The following JAZF1 variants were observed in gnomAD, a reference collection of about 807,000 sequenced individuals.
JAZF1 encodes JAZF zinc finger 1, also known as juxtaposed with another zinc finger protein 1.
Under a neutral mutation model 26.4 loss-of-function variants are expected in JAZF1, and 8 were observed. That is an observed-to-expected ratio of 0.30 (90% confidence interval 0.18 to 0.55). The LOEUF is 0.55. JAZF1 is among the 20% of genes least tolerant of loss of function. The probability of loss-of-function intolerance (pLI) is 0.94; values close to 1 mark genes in which losing one functional copy is unlikely to be tolerated. For missense variants in JAZF1, 199 were observed against 322.0 expected (o/e 0.62, Z 2.92); for synonymous variants, 126 against 122.3 (o/e 1.03, Z -0.20).
intron 3 of JAZF1, among the ~76,000 whole-genome samples, chr7:27,856,798 C>A (rs1485380659): frequency 1.3e-5 from 2 of 152,186 alleles, no homozygotes; most frequent in African/African-American, 4.8e-5. Flanking sequence ...TGAAGGTTCT[C>A]CAAGTCCCCA....
In JAZF1 at chr7:27,883,728, T is replaced by TAA. The variant is rs533654884; in HGVS notation, c.385+11490_385+11491dup. ...TGGGTATTGGAAGACGTAGGTGCTG[T>TAA]AAGTTCTATCAGAAACACTTTCAGT... On this transcript the variant is annotated intron_variant, in intron 3 of 4. Coordinates refer to ENST00000283928, the MANE Select transcript of JAZF1 (RefSeq NM_175061.4). Among the ~76,000 whole-genome samples the TAA allele has an allele frequency of 1.7e-3, 262 of 152,332 alleles. 1 individual carries two copies. The highest frequency in any genetic ancestry group is 5.9e-3 in the African/African-American group (245 of 41,578).
At chr7:27,890,603 C>T (rs184786160) in intron 3 of JAZF1, among the ~76,000 whole-genome samples, 2 of 152,194 alleles carry the variant, frequency 1.3e-5, no homozygotes, top group African/African-American at 4.8e-5. Flanking sequence ...ATGGATGTGT[C>T]AAGTTAACCT....
chr7:28,138,131 C>T (rs553608761), intron 1 of JAZF1, among the ~76,000 whole-genome samples: 2 of 152,274 alleles, frequency 1.3e-5, no homozygotes, highest in African/African-American at 4.8e-5. Flanking sequence ...TGCTATGAAA[C>T]AAGCAGGTAT....
chr7:27,960,467 G>GT (rs1785168620), intron 2 of JAZF1, among the ~76,000 whole-genome samples: 1 of 152,252 alleles, frequency 6.6e-6, no homozygotes, highest in African/African-American at 2.4e-5. Context: ...GTGTAAAAAT[G>GT]TAACAAGGAT....
In JAZF1 at chr7:27,852,216, C is replaced by T. The variant is rs904009876; in HGVS notation, c.386-11349G>A. Reference sequence around the variant, plus strand: ...GAGCGATCTGAGCTCACTGCAACCTCCACCTCCCAGGTTCAACTGATTCTC... The same window carrying T: ...GAGCGATCTGAGCTCACTGCAACCTTCACCTCCCAGGTTCAACTGATTCTC... On this transcript the variant is annotated intron_variant, in intron 3 of 4. Transcript: ENST00000283928. Among the ~76,000 whole-genome samples, 7 of 151,812 alleles carry T rather than the reference C, an allele frequency of 4.6e-5. No homozygotes were observed. The East Asian group carries it at 1.2e-3, about 25-fold the overall frequency.
At chr7:27,882,400 C>T (rs1783790301) in intron 3 of JAZF1, among the ~76,000 whole-genome samples, 1 of 152,036 alleles carries the variant, frequency 6.6e-6, no homozygotes, top group Non-Finnish European at 1.5e-5. Flanking sequence ...ATCAACCCAA[C>T]TTGTTACAGC....
chr7:27,963,987 A>T (rs1295936005), intron 2 of JAZF1, among the ~76,000 whole-genome samples: 1 of 152,210 alleles, frequency 6.6e-6, no homozygotes, highest in Non-Finnish European at 1.5e-5. Flanking sequence ...TTGGTTGCTT[A>T]TATACCTATA....
chr7:28,029,691 T>C (rs1783152696), intron 1 of JAZF1, among the ~76,000 whole-genome samples: 1 of 152,230 alleles, frequency 6.6e-6, no homozygotes, highest in Non-Finnish European at 1.5e-5. Flanking sequence ...CCTAAATGTT[T>C]AGATCTTTTC....
At chr7:27,967,530 A>T (rs866936142) in intron 2 of JAZF1, among the ~76,000 whole-genome samples, 56 of 152,334 alleles carry the variant, frequency 3.7e-4, no homozygotes, top group Middle Eastern at 3.4e-3. Flanking sequence ...AGGGTCATTA[A>T]AAACTATATA....
At chr7:28,019,063 C>G in intron 1 of JAZF1, among the ~76,000 whole-genome samples, 1 of 152,186 alleles carries the variant, frequency 6.6e-6, no homozygotes, top group South Asian at 2.1e-4. Context: ...TCTTATTTTT[C>G]AAATGTTCAG....
intron 1 of JAZF1, among the ~76,000 whole-genome samples, chr7:28,153,793 T>C (rs1783142006): frequency 1.3e-5 from 2 of 152,184 alleles, no homozygotes; most frequent in East Asian, 3.9e-4. Context: ...GGTCTGGCAA[T>C]GACCACGGTG....
chr7:28,018,102 G>C (rs918681705), intron 1 of JAZF1, among the ~76,000 whole-genome samples: 1 of 152,210 alleles, frequency 6.6e-6, no homozygotes, highest in African/African-American at 2.4e-5. Context: ...CAACACGGAG[G>C]ATAGGAAAAG....
chr7:28,060,360 G>C (rs1783779629), intron 1 of JAZF1, among the ~76,000 whole-genome samples: 1 of 152,116 alleles, frequency 6.6e-6, no homozygotes, highest in South Asian at 2.1e-4. Context: ...TTTATTTTTT[G>C]TGTGTGTTTT....
intron 1 of JAZF1, among the ~76,000 whole-genome samples, chr7:28,018,224 G>T (rs1459094589): frequency 6.6e-6 from 1 of 152,228 alleles, no homozygotes. Context: ...TCCTGGAGGA[G>T]GAGTCGGCCA....
At position 27,943,162 on chromosome 7, in the gene JAZF1, T is replaced by C. The variant is rs182330129; in HGVS notation, c.189-47746A>G. Among the ~76,000 whole-genome samples, 360 of 152,230 alleles carry C rather than the reference T, an allele frequency of 2.4e-3. 6 individuals are homozygous for C. The highest frequency in any genetic ancestry group is 2.2e-3 in the Non-Finnish European group (153 of 68,014). ...AACATCCTCAGATACAGTTCTGAAT[T>C]TTCCCAGAATAGAAGGGGACTGTCT... is the stretch of plus-strand genomic sequence containing the variant. On this transcript the variant is annotated intron_variant, in intron 2 of 4. Coordinates refer to ENST00000283928, the MANE Select transcript of JAZF1 (RefSeq NM_175061.4).
intron 2 of JAZF1, among the ~76,000 whole-genome samples, chr7:27,899,241 A>T (rs1562523101): frequency 6.6e-6 from 1 of 152,238 alleles, no homozygotes; most frequent in Non-Finnish European, 1.5e-5. Context: ...CCAAGGAGGC[A>T]CAGCAAAGGC....
chr7:28,164,847 T>A (rs1412317899), intron 1 of JAZF1, among the ~76,000 whole-genome samples: 6 of 152,146 alleles, frequency 3.9e-5, no homozygotes, highest in Non-Finnish European at 8.8e-5. Context: ...GGCTCTCAGT[T>A]TGAAAAATGT....
intron 1 of JAZF1, among the ~76,000 whole-genome samples, chr7:28,041,545 G>T (rs959201580): frequency 6.6e-6 from 1 of 152,048 alleles, no homozygotes; most frequent in South Asian, 2.1e-4. Flanking sequence ...AGATATCACC[G>T]CTTCTTGTGC....
intron 1 of JAZF1, among the ~76,000 whole-genome samples, chr7:28,046,510 T>C (rs1415300578): frequency 6.6e-6 from 1 of 152,250 alleles, no homozygotes; most frequent in African/African-American, 2.4e-5. Context: ...TTATGATGAA[T>C]GTCCGCAGTA....
Sources: allele counts gnomAD v4.1 joint callset (sites outside exome capture counted in the v4.1 genomes callset), GRCh38; gene constraint gnomAD v4.1.1; transcripts MANE v1.5; gene names NCBI Gene and HGNC (gene_info 2026-07-23, HGNC 2026-07-21).